Variants in POMT2 observed in about 807,000 individuals in gnomAD.
POMT2 encodes the protein protein O-mannosyl-transferase 2.
In POMT2, 75 loss-of-function variants were observed where a neutral mutation model predicts 100.0. The observed-to-expected ratio is 0.75, with a 90% confidence interval of 0.62 to 0.91. POMT2 has a LOEUF of 0.91. POMT2 is among the 40% of genes least tolerant of loss of function. The probability of loss-of-function intolerance (pLI) is 0.00; values close to 1 mark genes in which losing one functional copy is unlikely to be tolerated. For missense variants in POMT2, 940 were observed against 955.1 expected (o/e 0.98, Z 0.21); for synonymous variants, 378 against 374.1 (o/e 1.01, Z -0.12).
chr14:77,318,760 G>C (rs1321717188), intron 1 of POMT2, among the ~76,000 whole-genome samples: 1 of 137,432 alleles, frequency 7.3e-6, no homozygotes, highest in African/African-American at 2.7e-5. Flanking sequence ...TTTTGAGACA[G>C]AGTCTGGCTT....
Position 77,312,046 on chromosome 14 carries a change from C to T in POMT2, c.249-13G>A. 6.2e-7 allele frequency: 1 copy of T among 1,613,274 alleles called. No individual in the cohort carries two copies. The highest frequency in any genetic ancestry group is 8.5e-7 in the Non-Finnish European group (1 of 1,179,750). ...AGTCTCATCCCAACTAAAGGAAACA[C>T]AGAAAGAGAAACAAGAATTTTAAAA... is the stretch of plus-strand genomic sequence containing the variant. On this transcript the variant is annotated splice_polypyrimidine_tract_variant and intron_variant, in intron 1 of 20. Coordinates refer to ENST00000261534, the MANE Select transcript of POMT2 (RefSeq NM_013382.7).
At chr14:77,297,515 C>G (rs547826115) in intron 8 of POMT2, among the ~76,000 whole-genome samples, 3 of 152,310 alleles carry the variant, frequency 2.0e-5, no homozygotes, top group Non-Finnish European at 4.4e-5. Flanking sequence ...ACTATCAACC[C>G]CTCTCGCGTG....
chr14:77,282,385 C>T (rs539855281), intron 15 of POMT2, among the ~76,000 whole-genome samples: 1 of 152,334 alleles, frequency 6.6e-6, no homozygotes, highest in Non-Finnish European at 1.5e-5. Flanking sequence ...CGGGCCACTA[C>T]TCAGCCAGCG....
In POMT2 at chr14:77,306,049, C is replaced by G. The variant is rs12433986; in HGVS notation, c.438+288G>C. Among the ~76,000 whole-genome samples the G allele has an allele frequency of 0.026, 4,029 of 152,322 alleles. 71 individuals are homozygous for G. Among genetic ancestry groups the G allele is most frequent in the Non-Finnish European group, 0.038 (2,603 of 68,030 alleles). Reference sequence around the variant, plus strand: ...CTGATTGCCCGGGTTCCAGGCTGTTCTCCAACCTGAGGTCTGACAGTATAC... The same window carrying G: ...CTGATTGCCCGGGTTCCAGGCTGTTGTCCAACCTGAGGTCTGACAGTATAC... On this transcript the variant is annotated intron_variant, in intron 3 of 20. Transcript: ENST00000261534.
intron 2 of POMT2, among the ~76,000 whole-genome samples, chr14:77,307,633 G>A (rs1445442272): frequency 2.0e-5 from 3 of 152,152 alleles, no homozygotes; most frequent in Non-Finnish European, 2.9e-5. Flanking sequence ...GAGAAGAAAT[G>A]TACAGATGCT....
rs777708372 is a variant in POMT2 at position 77,279,829 on chromosome 14, C to A, written c.1885G>T (p.Val629Phe). 2.2e-5 allele frequency: 35 copies of A among 1,613,310 alleles called. No homozygotes were observed. The East Asian group carries it at 7.8e-4, about 36-fold the overall frequency. The change falls in exon 18 of 21, where the codon GTT becomes TTT. Residue 629 changes from valine (V) to phenylalanine (F), a missense_variant. Coordinates refer to ENST00000261534, the MANE Select transcript of POMT2 (RefSeq NM_013382.7). ...MQRGARLPAE[V>F]AGLSQVLLRG... ...AGAGCCCAGAGGACCTGACCTGCAA[C>A]CTCCGCTGGCAGCCGTGCCCCTCTC...
intron 14 of POMT2, chr14:77,284,187 C>G: frequency 2.5e-6 from 1 of 394,446 alleles, no homozygotes; most frequent in Non-Finnish European, 4.8e-6. Flanking sequence ...GCATAAGGGA[C>G]AGCTGCACAG....
intron 9 of POMT2, among the ~76,000 whole-genome samples, chr14:77,295,254 A>G (rs779942798): frequency 2.0e-5 from 3 of 152,210 alleles, no homozygotes; most frequent in Non-Finnish European, 2.9e-5. Context: ...CTAATCTTTC[A>G]TAAGCACTTC....
At position 77,293,189 on chromosome 14, in the gene POMT2, T is replaced by G. The variant is rs879719575; in HGVS notation, c.1117-1809A>C. Among the ~76,000 whole-genome samples the G allele has an allele frequency of 2.6e-5, 4 of 152,206 alleles. No homozygotes were observed. In the South Asian group the frequency reaches 8.3e-4, roughly 31 times the overall value. On this transcript the variant is annotated intron_variant, in intron 9 of 20. Coordinates refer to ENST00000261534, the MANE Select transcript of POMT2 (RefSeq NM_013382.7). Reference sequence around the variant, plus strand: ...TCTACATTCCTGAGAAAAAGCTCGATATCGTCCATCCAGCCTGGATTTGCT... The same window carrying G: ...TCTACATTCCTGAGAAAAAGCTCGAGATCGTCCATCCAGCCTGGATTTGCT...
rs1247590754 is a variant in POMT2 at position 77,275,539 on chromosome 14, AC to A, written c.*1836del. On this transcript the variant is annotated 3_prime_UTR_variant, in exon 21 of 21. Transcript: ENST00000261534. ...CTGCTTTGCTAAGAGCCAAGCACAG[AC>A]CCCTGCATTCTCCCTGCAGGAGAGC... The A allele has an allele frequency of 6.6e-6, 1 of 152,040 alleles. No individual in the cohort carries two copies. The highest frequency in any genetic ancestry group is 6.6e-5 in the Admixed American group (1 of 15,258). 9.4% of individuals were successfully genotyped at this position (152,040 alleles called of 1,614,324 possible).
In POMT2 at chr14:77,278,512, G is replaced by A. The variant is rs1265385122; in HGVS notation, c.2033-4C>T. The stretch of plus-strand genomic sequence containing the variant: ...AGGAGGGTGTCCCACAGAATGCCTA[G>A]AGGAGAGGAGAGAAACCTGGAGTCA... On this transcript the variant is annotated splice_region_variant and splice_polypyrimidine_tract_variant and intron_variant, in intron 19 of 20. Transcript: ENST00000261534. The A allele has an allele frequency of 2.0e-6, 3 of 1,465,452 alleles. No individual in the cohort carries two copies. The highest frequency in any genetic ancestry group is 2.8e-6 in the Non-Finnish European group (3 of 1,074,192). The allele number at this position is 1,465,452 out of a possible 1,614,324, so 90.8% of individuals were successfully genotyped here.
At chr14:77,302,649 T>G (rs1214358712) in intron 5 of POMT2, among the ~76,000 whole-genome samples, 186 bp downstream of exon 5, 2 of 152,166 alleles carry the variant, frequency 1.3e-5, no homozygotes, top group Non-Finnish European at 2.9e-5. Flanking sequence ...TGTAGAAAAC[T>G]TTTTAAAATC....
intron 1 of POMT2, among the ~76,000 whole-genome samples, chr14:77,318,957 A>G (rs936706156): frequency 1.1e-4 from 17 of 152,252 alleles, no homozygotes; most frequent in Admixed American, 3.9e-4. Flanking sequence ...GTTGGTCTCG[A>G]ACTCCTGACC....
At chr14:77,291,520 G>C (rs1890641649) in intron 9 of POMT2, 140 bp from the exon 10 acceptor site, 6 of 1,222,024 alleles carry the variant, frequency 4.9e-6, no homozygotes, top group Non-Finnish European at 6.9e-6. Context: ...CAACCTGAGG[G>C]GCCATGTTTC....
chr14:77,320,856 C>T lies in POMT2; in HGVS notation c.-175G>A, dbSNP rs1326113633. On this transcript the variant is annotated 5_prime_UTR_variant, in exon 1 of 21. Coordinates refer to ENST00000261534, the MANE Select transcript of POMT2 (RefSeq NM_013382.7). ...CGGGGCGGGCAGCGTGGTCGCGGCC[C>T]GGGCCGCTAGGAGGCGGCAGGAGGC... 1.6e-6 allele frequency: 2 copies of T among 1,274,854 alleles called. No homozygotes were observed. The highest frequency in any genetic ancestry group is 4.1e-5 in the Admixed American group (1 of 24,468). 79.0% of individuals were successfully genotyped at this position (1,274,854 alleles called of 1,614,324 possible).
In POMT2 at chr14:77,297,054, G is replaced by C. The variant is rs78421947; in HGVS notation, c.1007-781C>G. Among the ~76,000 whole-genome samples the C allele has an allele frequency of 6.3e-3, 959 of 152,380 alleles. 11 individuals carry two copies. The highest frequency in any genetic ancestry group is 0.022 in the African/African-American group (900 of 41,592). ...GACAATGTGTGACATGGTGGGAATGGTGGGAACTCGGAACAGGCCAAATTC... is the reference window on the plus strand; with the variant it reads ...GACAATGTGTGACATGGTGGGAATGCTGGGAACTCGGAACAGGCCAAATTC... On this transcript the variant is annotated intron_variant, in intron 8 of 20. Transcript: ENST00000261534.
intron 1 of POMT2, 65 bp downstream of exon 1, chr14:77,320,369 C>T (rs905927223): frequency 1.2e-5 from 18 of 1,540,822 alleles, no homozygotes; most frequent in Non-Finnish European, 1.4e-5. Flanking sequence ...TACCCTCGGG[C>T]CAATCAGAGG....
chr14:77,288,689 G>T, intron 11 of POMT2, 73 bp downstream of exon 11: 1 of 1,355,280 alleles, frequency 7.4e-7, no homozygotes, highest in Non-Finnish European at 1.1e-6. Context: ...TCTAACTTCT[G>T]TTTACTTCTT....
chr14:77,295,496 G>A (rs1177330087), intron 9 of POMT2, among the ~76,000 whole-genome samples: 1 of 152,054 alleles, frequency 6.6e-6, no homozygotes, highest in Non-Finnish European at 1.5e-5. Context: ...GCCAGGCGTG[G>A]TGGCGGGTGC....
Sources: gnomAD v4.1 joint callset for allele counts (sites outside exome capture counted in the v4.1 genomes callset) on GRCh38, gnomAD v4.1.1 for gene constraint, MANE v1.5 for transcripts, NCBI Gene and HGNC (gene_info 2026-07-23, HGNC 2026-07-21) for gene names.